EYA4: variants seen among roughly 807,000 people sequenced by gnomAD.
EYA4 encodes EYA transcriptional coactivator and phosphatase 4, also known as protein phosphatase EYA4.
Under a neutral mutation model 87.9 loss-of-function variants are expected in EYA4, and 31 were observed. The ratio of observed to expected loss-of-function variants is 0.35; its 90% CI spans 0.27 to 0.48. The LOEUF (loss-of-function observed/expected upper bound fraction) is 0.48. EYA4 is among the 20% of genes least tolerant of loss of function. The pLI is 0.99. For synonymous variants in EYA4, 263 were observed against 270.6 expected, an observed-to-expected ratio of 0.97 and a Z score of 0.28; for missense variants, 678 against 761.4, an observed-to-expected ratio of 0.89 and a Z score of 1.29.
chr6:133,495,282 A>G (rs1797544165), intron 13 of EYA4, among the ~76,000 whole-genome samples: 1 of 151,760 alleles, frequency 6.6e-6, no homozygotes, highest in Non-Finnish European at 1.5e-5. Context: ...AAAAAGAAAA[A>G]AAATCTCATG....
chr6:133,490,155 T>C (rs1797020329), intron 13 of EYA4, among the ~76,000 whole-genome samples: 2 of 151,634 alleles, frequency 1.3e-5, no homozygotes, highest in Admixed American at 6.6e-5. Flanking sequence ...TAACTGCAAA[T>C]CAAAAACATA....
chr6:133,273,097 GTATATATA>G (rs3065331), intron 1 of EYA4, among the ~76,000 whole-genome samples: 3 of 106,638 alleles, frequency 2.8e-5, no homozygotes, highest in African/African-American at 9.5e-5. Flanking sequence ...ATATATATAT[GTATATATA>G]TATATATATA....
At chr6:133,417,987 C>T (rs1012154180) in intron 3 of EYA4, among the ~76,000 whole-genome samples, 12 of 152,198 alleles carry the variant, frequency 7.9e-5, no homozygotes, top group Admixed American at 2.0e-4. Flanking sequence ...CATAGTACGG[C>T]TCCTCAGAAA....
rs77813118 is a variant in EYA4 at position 133,399,498 on chromosome 6, A to G, written c.83+17057A>G. Among the ~76,000 whole-genome samples the G allele has an allele frequency of 7.5e-3, 1,138 of 152,290 alleles. 24 individuals carry two copies. The highest frequency in any genetic ancestry group is 0.032 in the Admixed American group (491 of 15,288). On this transcript the variant is annotated intron_variant, in intron 3 of 19. Coordinates refer to ENST00000355286, the MANE Select transcript of EYA4 (RefSeq NM_004100.5). Reference sequence around the variant, plus strand: ...CAAGCTGTTGAGAAAAAAAAATACAATGAGGCTACTTATGTTTTAAATCAA... The same window carrying G: ...CAAGCTGTTGAGAAAAAAAAATACAGTGAGGCTACTTATGTTTTAAATCAA...
chr6:133,444,145 A>G (rs964724886), intron 3 of EYA4, among the ~76,000 whole-genome samples: 1 of 152,154 alleles, frequency 6.6e-6, no homozygotes, highest in African/African-American at 2.4e-5. Context: ...AAAAGCTCCA[A>G]CTATGATCAT....
At chr6:133,396,930 C>T (rs1044730742) in intron 3 of EYA4, among the ~76,000 whole-genome samples, 8 of 152,208 alleles carry the variant, frequency 5.3e-5, no homozygotes, top group Admixed American at 3.3e-4. Context: ...TCACACTCTC[C>T]TGGCTACCCA....
chr6:133,469,383 A>C (rs969519185), intron 11 of EYA4, among the ~76,000 whole-genome samples: 5 of 152,062 alleles, frequency 3.3e-5, no homozygotes, highest in African/African-American at 1.2e-4. Flanking sequence ...GGAAAGGTGG[A>C]TGAATTAGAA....
intron 2 of EYA4, among the ~76,000 whole-genome samples, chr6:133,365,049 A>G (rs1215881270): frequency 6.6e-6 from 1 of 152,158 alleles, no homozygotes; most frequent in African/African-American, 2.4e-5. Context: ...CCTAATACCT[A>G]TCTCAGGCTA....
At chr6:133,310,729 C>A (rs776944676) in intron 2 of EYA4, among the ~76,000 whole-genome samples, 13 of 152,142 alleles carry the variant, frequency 8.5e-5, no homozygotes, top group Non-Finnish European at 1.9e-4. Flanking sequence ...TGTAGCATTG[C>A]AGACTGTAGC....
intron 1 of EYA4, among the ~76,000 whole-genome samples, chr6:133,272,293 G>A (rs116408974): frequency 7.1e-4 from 108 of 152,310 alleles, no homozygotes; most frequent in African/African-American, 2.5e-3. Flanking sequence ...TGAGGGCATC[G>A]ATGCAGCCTT....
chr6:133,442,565 T>TG (rs947760263), intron 3 of EYA4, among the ~76,000 whole-genome samples: 3 of 152,142 alleles, frequency 2.0e-5, no homozygotes, highest in African/African-American at 7.2e-5. Context: ...TCTAGTAGTT[T>TG]GGGGGTTTGG....
At position 133,378,623 on chromosome 6, in the gene EYA4, T is replaced by C. The variant is rs1210482174; in HGVS notation, c.34-3769T>C. ...TTGTTTCTGCTTCTCAGTGTTACTA[T>C]ATGGGAACTGGGAAGAAAATTGTAT... On this transcript the variant is annotated intron_variant, in intron 2 of 19. Coordinates refer to ENST00000355286, the MANE Select transcript of EYA4 (RefSeq NM_004100.5). 3.9e-5 allele frequency among the ~76,000 whole-genome samples: 6 copies of C among 152,170 alleles called. No individual in the cohort carries two copies. The East Asian group carries it at 1.2e-3, about 29-fold the overall frequency.
At chr6:133,264,021 G>C (rs946525767) in intron 1 of EYA4, among the ~76,000 whole-genome samples, 127 of 152,356 alleles carry the variant, frequency 8.3e-4, no homozygotes, top group Non-Finnish European at 1.5e-4. Flanking sequence ...ACTTTCCCTT[G>C]TTTTCCTTTT....
chr6:133,477,912 A>G (rs1035691123), intron 11 of EYA4, among the ~76,000 whole-genome samples: 1 of 152,044 alleles, frequency 6.6e-6, no homozygotes, highest in Non-Finnish European at 1.5e-5. Flanking sequence ...GAAAAAGACA[A>G]ACAGCCTAGT....
intron 13 of EYA4, among the ~76,000 whole-genome samples, chr6:133,488,235 G>GGTA (rs1796844404): frequency 6.6e-6 from 1 of 152,102 alleles, no homozygotes. Flanking sequence ...TAGAGCAACA[G>GGTA]GTAGTTTCCT....
Position 133,531,338 on chromosome 6 carries a change from C to CCTG in EYA4, c.*2533_*2534insCTG. 1 of 727,322 alleles carries CCTG rather than the reference C, an allele frequency of 1.4e-6. No homozygotes were observed. The allele number at this position is 727,322 out of a possible 1,614,324, so 45.1% of individuals were successfully genotyped here. ...GACGTTGAGTATGCACAAACTAGAA[C>CCTG]TCTTCCCTTCCCACCTTAGGAATAG... On this transcript the variant is annotated 3_prime_UTR_variant, in exon 20 of 20. Coordinates refer to ENST00000355286, the MANE Select transcript of EYA4 (RefSeq NM_004100.5).
At chr6:133,423,490 T>C (rs1790393851) in intron 3 of EYA4, among the ~76,000 whole-genome samples, 1 of 152,228 alleles carries the variant, frequency 6.6e-6, no homozygotes, top group African/African-American at 2.4e-5. Flanking sequence ...GCCAGCCTGA[T>C]AGGTTTGATA....
intron 2 of EYA4, among the ~76,000 whole-genome samples, chr6:133,338,985 C>A (rs928041257): frequency 6.6e-6 from 1 of 152,040 alleles, no homozygotes; most frequent in African/African-American, 2.4e-5. Flanking sequence ...TTGATTGTCA[C>A]TTCATTTTTA....
chr6:133,476,002 CTTTTA>C (rs1272515837), intron 11 of EYA4, among the ~76,000 whole-genome samples: 2 of 152,012 alleles, frequency 1.3e-5, no homozygotes, highest in Admixed American at 1.3e-4. Flanking sequence ...GCCCATGTGA[CTTTTA>C]TTTTAATTTA....
Sources: allele counts gnomAD v4.1 joint callset (sites outside exome capture counted in the v4.1 genomes callset), GRCh38; gene constraint gnomAD v4.1.1; transcripts MANE v1.5; gene names NCBI Gene and HGNC (gene_info 2026-07-23, HGNC 2026-07-21).